DLGAP2: variants seen among roughly 807,000 people sequenced by gnomAD.
DLGAP2 encodes DLG associated protein 2, also known as disks large-associated protein 2.
In DLGAP2, 26 loss-of-function variants were observed where a neutral mutation model predicts 100.3. That is an observed-to-expected ratio of 0.26 (90% confidence interval 0.19 to 0.36). The LOEUF is 0.36. Among genes scored for constraint, DLGAP2 ranks in the 10% least tolerant of loss-of-function variants. The probability of loss-of-function intolerance (pLI) is 1.00; values close to 1 mark genes in which losing one functional copy is unlikely to be tolerated. For synonymous variants in DLGAP2, 886 were observed against 630.1 expected (o/e 1.41, Z -6.08); for missense variants, 1,858 against 1,453.2 (o/e 1.28, Z -4.53).
intron 1 of DLGAP2, among the ~76,000 whole-genome samples, chr8:844,735 A>G (rs966388058): frequency 6.6e-6 from 1 of 152,212 alleles, no homozygotes; most frequent in Admixed American, 6.5e-5. Context: ...ACTTATCTGT[A>G]ACTCATATAC....
chr8:1,540,273 A>C (rs1381213054), intron 4 of DLGAP2, among the ~76,000 whole-genome samples: 2 of 152,118 alleles, frequency 1.3e-5, no homozygotes, highest in Non-Finnish European at 2.9e-5. Context: ...AGTGTTTGTC[A>C]CTGTCTGACG....
At chr8:1,200,174 G>A (rs529802741) in intron 2 of DLGAP2, among the ~76,000 whole-genome samples, 6 of 152,300 alleles carry the variant, frequency 3.9e-5, no homozygotes, top group South Asian at 4.1e-4. Context: ...CCTGGCCCCC[G>A]TGCTCTCCTC....
chr8:1,054,227 C>T (rs1802806917), intron 2 of DLGAP2, among the ~76,000 whole-genome samples: 1 of 152,098 alleles, frequency 6.6e-6, no homozygotes, highest in African/African-American at 2.4e-5. Context: ...TGCGCACACA[C>T]ATGTATGCAC....
At chr8:1,340,419 A>G (rs373831325) in intron 3 of DLGAP2, among the ~76,000 whole-genome samples, 12 of 152,216 alleles carry the variant, frequency 7.9e-5, no homozygotes, top group African/African-American at 2.7e-4. Context: ...CGGACAAACA[A>G]CAGGAACAGA....
intron 2 of DLGAP2, among the ~76,000 whole-genome samples, chr8:1,169,130 A>T (rs1167102930): frequency 6.6e-6 from 1 of 151,010 alleles, no homozygotes; most frequent in East Asian, 2.0e-4. Context: ...ACCATTTATT[A>T]AATAGGGAAT....
chr8:1,320,821 CTGTG>C (rs1025979825), intron 3 of DLGAP2, among the ~76,000 whole-genome samples: 48 of 152,204 alleles, frequency 3.2e-4, no homozygotes, highest in African/African-American at 1.1e-3. Context: ...GTGCTGCCAC[CTGTG>C]TGTGTCTGTG....
intron 3 of DLGAP2, among the ~76,000 whole-genome samples, chr8:1,470,336 C>T (rs1210183872): frequency 6.6e-6 from 1 of 152,170 alleles, no homozygotes; most frequent in Non-Finnish European, 1.5e-5. Flanking sequence ...TCAGCTGGTG[C>T]CACCAAGTGA....
intron 1 of DLGAP2, among the ~76,000 whole-genome samples, chr8:898,636 C>T (rs1016833857): frequency 6.7e-6 from 1 of 149,620 alleles, no homozygotes; most frequent in Non-Finnish European, 1.5e-5. Flanking sequence ...CCAGCCCCTG[C>T]AGCTCATTGC....
chr8:1,364,506 G>GGC (rs1554452285), intron 3 of DLGAP2, among the ~76,000 whole-genome samples: 2 of 150,232 alleles, frequency 1.3e-5, no homozygotes, highest in Non-Finnish European at 1.5e-5. Context: ...GAAGGGCGGG[G>GGC]GGGGTGCAGC....
intron 6 of DLGAP2, among the ~76,000 whole-genome samples, chr8:1,620,779 C>A (rs1020123714): frequency 6.6e-6 from 1 of 152,190 alleles, no homozygotes; most frequent in African/African-American, 2.4e-5. Flanking sequence ...CTCCAGGCCC[C>A]ACGCACAGGG....
rs191097697 is a variant in DLGAP2 at position 1,423,241 on chromosome 8, T to A, written c.107-78125T>A. Among the ~76,000 whole-genome samples, 7 of 152,130 alleles carry A rather than the reference T, an allele frequency of 4.6e-5. No individual in the cohort carries two copies. The Middle Eastern group carries it at 0.017, about 370-fold the overall frequency. ...TAATGTAAACACAGGTGTGTAGAGC[T>A]CAGAACTCTACTTAGTCACAGCTCT... is the stretch of plus-strand genomic sequence containing the variant. On this transcript the variant is annotated intron_variant, in intron 3 of 14. Transcript: ENST00000637795.
intron 2 of DLGAP2, among the ~76,000 whole-genome samples, chr8:1,253,964 G>C (rs1039082138): frequency 1.1e-4 from 16 of 152,354 alleles, no homozygotes; most frequent in African/African-American, 3.6e-4. Flanking sequence ...CCCTGAATCT[G>C]TGGTCAGTTT....
At chr8:1,420,704 G>A (rs928660817) in intron 3 of DLGAP2, among the ~76,000 whole-genome samples, 2 of 152,038 alleles carry the variant, frequency 1.3e-5, no homozygotes, top group Non-Finnish European at 2.9e-5. Context: ...ACCCAGTAAA[G>A]CCACTGCTGT....
chr8:819,713 T>C (rs1353992372), intron 1 of DLGAP2, among the ~76,000 whole-genome samples: 1 of 152,092 alleles, frequency 6.6e-6, no homozygotes, highest in East Asian at 1.9e-4. Context: ...TCACAAAATA[T>C]ATTGGAATGA....
intron 3 of DLGAP2, among the ~76,000 whole-genome samples, chr8:1,322,942 G>A (rs1800939613): frequency 6.6e-6 from 1 of 151,972 alleles, no homozygotes. Flanking sequence ...TTAACTCCTT[G>A]TAAGTTGTCT....
In DLGAP2 at chr8:1,179,574, T is replaced by C. The variant is rs140237566; in HGVS notation, c.74-79277T>C. ...TTTACTCAAGACGGTGGAATTAATT[T>C]GGCACTGTGTAATTAAATTAACTCT... On this transcript the variant is annotated intron_variant, in intron 2 of 14. Transcript: ENST00000637795. Among the ~76,000 whole-genome samples, 1,022 of 152,390 alleles carry C rather than the reference T, an allele frequency of 6.7e-3. 10 individuals are homozygous for C. Among genetic ancestry groups the C allele is most frequent in the African/African-American group, 0.023 (972 of 41,604 alleles).
chr8:1,687,279 AAAAAT>A lies in DLGAP2; in HGVS notation c.2705-4251_2705-4247del, dbSNP rs576794810. ...ATTTAGATAGAATTGGAATTATAGA[AAAAAT>A]AAAAGAGCCAAGTGTGTTAATCAAA... On this transcript the variant is annotated intron_variant, in intron 12 of 14. Transcript: ENST00000637795. Among the ~76,000 whole-genome samples, 11 of 152,360 alleles carry A rather than the reference AAAAAT, an allele frequency of 7.2e-5. No individual in the cohort carries two copies. The South Asian group carries it at 1.9e-3, about 26-fold the overall frequency.
Position 966,693 on chromosome 8 carries a change from G to C in DLGAP2, c.73+58727G>C, listed in dbSNP as rs369585301. Among the ~76,000 whole-genome samples, 211 of 152,244 alleles carry C rather than the reference G, an allele frequency of 1.4e-3. 9 individuals are homozygous for C. The South Asian group carries it at 0.043, about 31-fold the overall frequency. On this transcript the variant is annotated intron_variant, in intron 2 of 14. Coordinates refer to ENST00000637795, the MANE Select transcript of DLGAP2 (RefSeq NM_001346810.2). ...ATCCTCTTTCACGGTTTTTGCTACT[G>C]GTGGAGTCTTTTACATCTGGGTTTA...
intron 1 of DLGAP2, among the ~76,000 whole-genome samples, chr8:770,237 G>A (rs6559180): frequency 1.3e-5 from 2 of 151,974 alleles, no homozygotes; most frequent in South Asian, 2.1e-4. Flanking sequence ...TGCTCATCTC[G>A]TCAGGGGTGA....
Sources: gnomAD v4.1 joint callset for allele counts (sites outside exome capture counted in the v4.1 genomes callset) on GRCh38, gnomAD v4.1.1 for gene constraint, MANE v1.5 for transcripts, NCBI Gene and HGNC (gene_info 2026-07-23, HGNC 2026-07-21) for gene names.